The following RASGRP3 variants were observed in gnomAD, a reference collection of about 807,000 sequenced individuals.
RASGRP3 encodes the protein RAS guanyl releasing protein 3, also known as ras guanyl-releasing protein 3.
Under a neutral mutation model 82.7 loss-of-function variants are expected in RASGRP3, and 54 were observed. That is an observed-to-expected ratio of 0.65 (90% CI 0.52 to 0.82). RASGRP3 has a LOEUF of 0.82. RASGRP3 is among the 40% of genes least tolerant of loss of function. The probability of loss-of-function intolerance (pLI) is 0.00; values close to 1 mark genes in which losing one functional copy is unlikely to be tolerated. For missense variants in RASGRP3, 861 were observed against 828.9 expected (o/e 1.04, Z -0.48); for synonymous variants, 309 against 300.5 (o/e 1.03, Z -0.29).
In RASGRP3 at chr2:33,560,913, C is replaced by T. The variant is rs1574514916; in HGVS notation, c.2065-1816C>T. Among the ~76,000 whole-genome samples, 4 of 152,256 alleles carry T rather than the reference C, an allele frequency of 2.6e-5. No individual in the cohort carries two copies. The South Asian group carries it at 6.2e-4, about 24-fold the overall frequency. ...AATTCACAGCCTGTTGGGTGTAAGA[C>T]AATCAAATAGGTAAGATATCCTGAT... On this transcript the variant is annotated intron_variant, in intron 17 of 17. Transcript: ENST00000403687.
At position 33,549,677 on chromosome 2, in the gene RASGRP3, G is replaced by A; in HGVS notation, c.1468G>A (p.Gly490Arg). The A allele has an allele frequency of 6.2e-7, 1 of 1,613,724 alleles. No homozygotes were observed. Among genetic ancestry groups the A allele is most frequent in the South Asian group, 1.1e-5 (1 of 91,048 alleles). ...TAAATCCCAACTACACTGTAAAATG[G>A]GACCAGGATTTATCCATAATTTTCA... ...RAKSQLHCKM[G>R]PGFIHNFQEM... The change falls in exon 14 of 18, where the codon GGA (glycine) becomes AGA (arginine). Residue 490 changes from glycine (G) to arginine (R), a missense_variant. Gly to Arg is a moderately radical substitution (Grantham distance 125, BLOSUM62 -2). Coordinates refer to ENST00000403687, the MANE Select transcript of RASGRP3 (RefSeq NM_001139488.2).
intron 2 of RASGRP3, among the ~76,000 whole-genome samples, chr2:33,467,555 A>G (rs573608776): frequency 6.6e-6 from 1 of 152,370 alleles, no homozygotes; most frequent in African/African-American, 2.4e-5. Context: ...AATGTTGCAT[A>G]CAAAGTCTCC....
intron 2 of RASGRP3, among the ~76,000 whole-genome samples, chr2:33,449,837 G>A (rs1294536198): frequency 6.6e-6 from 1 of 151,934 alleles, no homozygotes; most frequent in African/African-American, 2.4e-5. Context: ...TTGTATATTT[G>A]ACCATTATGC....
intron 2 of RASGRP3, among the ~76,000 whole-genome samples, chr2:33,453,936 C>A (rs1478984469): frequency 3.3e-5 from 5 of 152,098 alleles, no homozygotes; most frequent in African/African-American, 1.2e-4. Flanking sequence ...TTATTTTTCA[C>A]TATCCTGGAG....
chr2:33,512,315 T>A (rs1438112677), intron 2 of RASGRP3, among the ~76,000 whole-genome samples: 1 of 152,210 alleles, frequency 6.6e-6, no homozygotes, highest in East Asian at 1.9e-4. Flanking sequence ...CTCAGCTGAG[T>A]AATTTTGGTT....
intron 7 of RASGRP3, among the ~76,000 whole-genome samples, chr2:33,522,770 C>T (rs1443764664): frequency 6.6e-6 from 1 of 152,222 alleles, no homozygotes; most frequent in Non-Finnish European, 1.5e-5. Flanking sequence ...GTCGCTCCTC[C>T]TCCTTTTCCA....
intron 1 of RASGRP3, among the ~76,000 whole-genome samples, chr2:33,498,843 C>T (rs1669582044): frequency 6.6e-6 from 1 of 152,106 alleles, no homozygotes; most frequent in African/African-American, 2.4e-5. Flanking sequence ...GATCCTCAAG[C>T]CTCCGAGATC....
intron 2 of RASGRP3, among the ~76,000 whole-genome samples, chr2:33,451,466 T>C (rs1574230926): frequency 1.3e-5 from 2 of 152,348 alleles, no homozygotes; most frequent in East Asian, 3.9e-4. Flanking sequence ...TGGAGTCATA[T>C]CTAAGAAATC....
chr2:33,436,641 T>C (rs940935895), intron 1 of RASGRP3: 8 of 152,256 alleles, frequency 5.3e-5, no homozygotes, highest in Non-Finnish European at 1.0e-4. Flanking sequence ...ATGCACTTCA[T>C]GAACTATGGA....
chr2:33,465,413 G>A (rs1274323303), intron 2 of RASGRP3, among the ~76,000 whole-genome samples: 1 of 152,176 alleles, frequency 6.6e-6, no homozygotes, highest in Non-Finnish European at 1.5e-5. Context: ...AAAAGTACAA[G>A]GTGGAAGGCC....
intron 2 of RASGRP3, among the ~76,000 whole-genome samples, chr2:33,469,234 C>T (rs1157036187): frequency 6.6e-6 from 1 of 152,008 alleles, no homozygotes; most frequent in Admixed American, 6.6e-5. Flanking sequence ...ATACGTATTT[C>T]ACTTTTGAAT....
In RASGRP3 at chr2:33,438,560, GC is replaced by G. The variant is rs1418088353; in HGVS notation, c.-385+1971del. ...CTGGGCAATGGAGTGAGACTCCATC[GC>G]CAAAAAAAAAAAAAAAAAATTGTAT... On this transcript the variant is annotated intron_variant, in intron 1 of 18. Transcript: ENST00000402538. Among the ~76,000 whole-genome samples, 391 of 50,146 alleles carry G rather than the reference GC, an allele frequency of 7.8e-3. 2 individuals are homozygous for G. The highest frequency in any genetic ancestry group is 0.036 in the African/African-American group (353 of 9,706). The allele number at this position is 50,146 out of a possible 152,430, so 32.9% of individuals were successfully genotyped here. A position where few individuals can be genotyped will look rare whatever the true frequency, so the allele number is the denominator to read the frequency against.
At chr2:33,498,048 CA>C in intron 1 of RASGRP3, among the ~76,000 whole-genome samples, 1 of 152,034 alleles carries the variant, frequency 6.6e-6, no homozygotes, top group East Asian at 1.9e-4. Context: ...CCTTTCTTTG[CA>C]AAATGGGTAT....
intron 2 of RASGRP3, among the ~76,000 whole-genome samples, chr2:33,451,981 C>A (rs990047788): frequency 6.6e-6 from 1 of 151,874 alleles, no homozygotes; most frequent in Non-Finnish European, 1.5e-5. Context: ...CTCACTGATT[C>A]TTTTTTCTGC....
intron 4 of RASGRP3, among the ~76,000 whole-genome samples, chr2:33,517,739 CCTG>C (rs1276694883): frequency 1.3e-5 from 2 of 152,186 alleles, no homozygotes; most frequent in East Asian, 3.9e-4. Flanking sequence ...TGGCCATATT[CCTG>C]ACAACCTAGA....
intron 6 of RASGRP3, among the ~76,000 whole-genome samples, chr2:33,520,889 C>T (rs536761766): frequency 3.9e-5 from 6 of 152,204 alleles, no homozygotes; most frequent in South Asian, 2.1e-4. Flanking sequence ...AAAATGTGGA[C>T]GATACCTTTC....
chr2:33,449,768 A>AT (rs1665690112), intron 2 of RASGRP3, among the ~76,000 whole-genome samples: 1 of 152,168 alleles, frequency 6.6e-6, no homozygotes, highest in South Asian at 2.1e-4. Context: ...CAAAAAAAAA[A>AT]GGAATATTTA....
intron 2 of RASGRP3, among the ~76,000 whole-genome samples, chr2:33,471,244 T>G (rs1011658257): frequency 6.6e-6 from 1 of 152,110 alleles, no homozygotes; most frequent in Admixed American, 6.5e-5. Context: ...GGTGTGATCA[T>G]ACCTTACTGC....
rs75531739 is a variant in RASGRP3, at chr2:33,558,752, G to C, written c.1786G>C (p.Gly596Arg). The change falls in exon 17 of 18, where the codon GGC becomes CGC. Residue 596 changes from glycine to arginine, a missense_variant. Transcript: ENST00000403687. ...LDSRAITLVT[G>R]SSRKISVRLQ... ...CAGCAGAGCCATCACACTGGTTACA[G>C]GCTCTTCTCGCAAGATCTCTGTGAG... The C allele has an allele frequency of 1.2e-6, 2 of 1,613,964 alleles. No individual in the cohort carries two copies. Among genetic ancestry groups the C allele is most frequent in the Non-Finnish European group, 1.7e-6 (2 of 1,179,902 alleles).
Sources: gnomAD v4.1 joint callset for allele counts (sites outside exome capture counted in the v4.1 genomes callset) on GRCh38, gnomAD v4.1.1 for gene constraint, MANE v1.5 for transcripts, NCBI Gene and HGNC (gene_info 2026-07-23, HGNC 2026-07-21) for gene names.